The following CYP51A1 variants were observed in gnomAD, a reference collection of about 807,000 sequenced individuals.
CYP51A1 encodes the protein cytochrome P450 family 51 subfamily A member 1, also known as lanosterol 14-alpha demethylase.
In CYP51A1, 45 loss-of-function variants were observed where a neutral mutation model predicts 53.5. That is an observed-to-expected ratio of 0.84 (90% CI 0.66 to 1.08). The LOEUF is 1.08. Ranked by LOEUF, CYP51A1 falls within the 50% of genes least tolerant of loss-of-function variation. The pLI, the probability that CYP51A1 is intolerant of heterozygous loss-of-function variation, is 0.00. For missense variants in CYP51A1, 462 were observed against 621.7 expected (o/e 0.74, Z 2.73); for synonymous variants, 181 against 217.7 (o/e 0.83, Z 1.48).
upstream of CYP51A1, chr7:92,134,517 C>T (rs550161084): frequency 2.1e-5 from 15 of 730,646 alleles, no homozygotes; most frequent in Non-Finnish European, 3.0e-5. Context: ...CGCGCCACCC[C>T]GTGCGTCACA....
chr7:92,133,766 C>T (rs1819973712), intron 1 of CYP51A1, among the ~76,000 whole-genome samples: 2 of 152,092 alleles, frequency 1.3e-5, no homozygotes, highest in Non-Finnish European at 2.9e-5. Flanking sequence ...GTCAGGACCC[C>T]CACCAAGGGC....
chr7:92,121,363 G>A (rs985928392), intron 7 of CYP51A1, among the ~76,000 whole-genome samples: 3 of 151,848 alleles, frequency 2.0e-5, no homozygotes, highest in Admixed American at 2.0e-4. Context: ...GTGAAGTCAG[G>A]ACCAACATAT....
chr7:92,127,568 C>G lies in CYP51A1; in HGVS notation c.532G>C (p.Val178Leu). The G allele has an allele frequency of 1.2e-6, 2 of 1,612,602 alleles. No homozygotes were observed. Among genetic ancestry groups the G allele is most frequent in the Non-Finnish European group, 1.7e-6 (2 of 1,179,280 alleles). ...GLNIAHFKQHVSIIEKETKEY... is the reference protein window; with the variant it reads ...GLNIAHFKQHLSIIEKETKEY... ...TTTGTTTCTTTTTCAATTATAGAAA[C>G]ATGCTGTTTAAAGTGGGCTATGTTA... The change falls in exon 4 of 10, where the codon GTT becomes CTT. Residue 178 changes from valine (V) to leucine (L), a missense_variant. By Grantham distance (32) the Val-to-Leu change is conservative. Coordinates refer to ENST00000003100, the MANE Select transcript of CYP51A1 (RefSeq NM_000786.4).
chr7:92,128,819 C>A, intron 3 of CYP51A1, 61 bp downstream of exon 3: 1 of 1,373,658 alleles, frequency 7.3e-7, no homozygotes, highest in Non-Finnish European at 1.0e-6. Context: ...TAATGTCTCA[C>A]TATTAGCTAT....
At chr7:92,117,982 C>A (rs1289815939) in intron 8 of CYP51A1, among the ~76,000 whole-genome samples, 2 of 133,226 alleles carry the variant, frequency 1.5e-5, no homozygotes, top group Non-Finnish European at 3.4e-5. Flanking sequence ...GAGTGAAATG[C>A]CGTCTCAAAA....
At chr7:92,126,230 T>C in intron 5 of CYP51A1, 23 bp downstream of exon 5, 1 of 1,530,866 alleles carries the variant, frequency 6.5e-7, no homozygotes, top group Non-Finnish European at 8.8e-7. Context: ...AATAACCTAG[T>C]GTAATATATT....
In CYP51A1 at chr7:92,134,406, C is replaced by T. The variant is rs375034795; in HGVS notation, c.-42G>A. The T allele has an allele frequency of 9.9e-5, 149 of 1,507,494 alleles. 1 individual carries two copies. In the African/African-American group the frequency reaches 1.1e-3, roughly 11 times the overall value. 93.4% of individuals were successfully genotyped at this position (1,507,494 alleles called of 1,614,324 possible). On this transcript the variant is annotated 5_prime_UTR_variant, in exon 1 of 10. Coordinates refer to ENST00000003100, the MANE Select transcript of CYP51A1 (RefSeq NM_000786.4). ...ACTGAAGGCCGAGGTCGCCACCGCTCCTCCCAATCGACGGAACGAGAGAAG... is the reference window on the plus strand; with the variant it reads ...ACTGAAGGCCGAGGTCGCCACCGCTTCTCCCAATCGACGGAACGAGAGAAG...
chr7:92,113,010 T>C lies in CYP51A1; in HGVS notation c.*655A>G, dbSNP rs1013575134. 27 of 152,308 alleles carry C rather than the reference T, an allele frequency of 1.8e-4. No individual in the cohort carries two copies. The highest frequency in any genetic ancestry group is 5.8e-4 in the African/African-American group (24 of 41,544). 9.4% of individuals were successfully genotyped at this position (152,308 alleles called of 1,614,324 possible). A position where few individuals can be genotyped will look rare whatever the true frequency, so the allele number is the denominator to read the frequency against. The stretch of plus-strand genomic sequence containing the variant: ...AAGATACATGAGCAGTCTTTAGCAT[T>C]AATAATTACATTATTTTTAGGAACT... On this transcript the variant is annotated 3_prime_UTR_variant, in exon 10 of 10. Coordinates refer to ENST00000003100, the MANE Select transcript of CYP51A1 (RefSeq NM_000786.4).
At chr7:92,128,283 T>C (rs181829744) in intron 3 of CYP51A1, among the ~76,000 whole-genome samples, 5 of 152,320 alleles carry the variant, frequency 3.3e-5, no homozygotes, top group Admixed American at 6.5e-5. Context: ...AGCCCTTTAA[T>C]ATTGTTTAGC....
At chr7:92,128,465 T>TGTGTGTGTGC (rs1563181282) in intron 3 of CYP51A1, among the ~76,000 whole-genome samples, 6 of 146,158 alleles carry the variant, frequency 4.1e-5, no homozygotes, top group African/African-American at 1.5e-4. Flanking sequence ...TGCGCGTGCG[T>TGTGTGTGTGC]GTGTGTGTGT....
chr7:92,118,056 A>C lies in CYP51A1; in HGVS notation c.1182+464T>G, dbSNP rs150649444. On this transcript the variant is annotated intron_variant, in intron 8 of 9. Transcript: ENST00000003100. ...AGGTAAAAATATGTTTTTAGAGTAT[A>C]TAAAACTGAAGATTAGGTAGAAGTG... 7.0e-4 allele frequency among the ~76,000 whole-genome samples: 107 copies of C among 151,862 alleles called. No individual in the cohort carries two copies. The East Asian group carries it at 9.7e-3, about 14-fold the overall frequency.
intron 6 of CYP51A1, 123 bp downstream of exon 6, chr7:92,123,611 A>G: frequency 1.0e-6 from 1 of 957,212 alleles, no homozygotes; most frequent in Non-Finnish European, 1.5e-6. Flanking sequence ...TAAAGAGTCC[A>G]AAGATCACAG....
rs111429544 is a variant in CYP51A1 at position 92,125,120 on chromosome 7, G to A, written c.770+1133C>T. On this transcript the variant is annotated intron_variant, in intron 5 of 9. Transcript: ENST00000003100. Reference sequence around the variant, plus strand: ...GCTCATGCCACTGCACTCCAGCCTGGGCGAGAGAGCAAGACTCCATCACCA... The same window carrying A: ...GCTCATGCCACTGCACTCCAGCCTGAGCGAGAGAGCAAGACTCCATCACCA... Among the ~76,000 whole-genome samples the A allele has an allele frequency of 3.4e-5, 5 of 148,846 alleles. 1 individual carries two copies. The highest frequency in any genetic ancestry group is 1.2e-4 in the African/African-American group (5 of 40,158).
intron 8 of CYP51A1, chr7:92,117,502 C>T: frequency 4.3e-6 from 1 of 230,980 alleles, no homozygotes; most frequent in South Asian, 9.7e-5. Context: ...TGGAAGTACA[C>T]AGTACACAAA....
intron 9 of CYP51A1, among the ~76,000 whole-genome samples, chr7:92,114,286 C>T (rs1419516984): frequency 6.6e-6 from 1 of 152,054 alleles, no homozygotes; most frequent in Admixed American, 6.6e-5. Context: ...ACTAAAAAGT[C>T]ACACCCATGT....
In CYP51A1 at chr7:92,121,453, G is replaced by C. The variant is rs913839687; in HGVS notation, c.1086+1667C>G. Among the ~76,000 whole-genome samples the C allele has an allele frequency of 1.2e-4, 18 of 152,162 alleles. 1 individual carries two copies. The highest frequency in any genetic ancestry group is 3.9e-4 in the African/African-American group (16 of 41,484). ...TTCTTCAAAGTTACCTTATAACCCA[G>C]CAATTCTACTCCTAGGTATGACCCC... On this transcript the variant is annotated intron_variant, in intron 7 of 9. Coordinates refer to ENST00000003100, the MANE Select transcript of CYP51A1 (RefSeq NM_000786.4).
At chr7:92,115,412 T>C (rs1448530331) in intron 9 of CYP51A1, among the ~76,000 whole-genome samples, 3 of 152,028 alleles carry the variant, frequency 2.0e-5, no homozygotes, top group African/African-American at 7.3e-5. Flanking sequence ...TACAGAGACA[T>C]GAACAAGAAG....
chr7:92,127,515 A>G lies in CYP51A1; in HGVS notation c.585T>C (p.Ser195=). ...TKEYFESWGE[S]GEKNVFEALS... ...AAACATTTTGCTTACTTTTTTCTCC[A>G]CTTTCTCCCCAACTCTCAAAGTATT... The change falls in exon 4 of 10, where the codon AGT becomes AGC. Residue 195 remains serine, a synonymous_variant. Transcript: ENST00000003100. 1.9e-6 allele frequency: 3 copies of G among 1,605,622 alleles called. No homozygotes were observed. In the South Asian group the frequency reaches 3.4e-5, roughly 18 times the overall value.
rs759739146 is a variant in CYP51A1 at position 92,128,455 on chromosome 7, T to TGTGTGTGTGTGTGTGC, written c.468+424_468+425insGCACACACACACACAC. 7.8e-5 allele frequency among the ~76,000 whole-genome samples: 8 copies of TGTGTGTGTGTGTGTGC among 101,984 alleles called. No homozygotes were observed. In the East Asian group the frequency reaches 8.0e-4, roughly 10 times the overall value. 66.9% of individuals were successfully genotyped at this position (101,984 alleles called of 152,430 possible). On this transcript the variant is annotated intron_variant, in intron 3 of 9. Coordinates refer to ENST00000003100, the MANE Select transcript of CYP51A1 (RefSeq NM_000786.4). ...GTGTGTGTGTGTGTGTGTGTGTGTG[T>TGTGTGTGTGTGTGTGC]GCGCGTGCGTGTGTGTGTGTGTGTT...
Sources: allele counts gnomAD v4.1 joint callset (sites outside exome capture counted in the v4.1 genomes callset), GRCh38; gene constraint gnomAD v4.1.1; transcripts MANE v1.5; gene names NCBI Gene and HGNC (gene_info 2026-07-23, HGNC 2026-07-21).